TNPO1: variants seen among roughly 807,000 people sequenced by gnomAD.
TNPO1 encodes the protein transportin 1.
TNPO1 carries 8 observed loss-of-function variants against 119.5 expected under a neutral mutation model. That is an observed-to-expected ratio of 0.07 (90% confidence interval 0.04 to 0.12). The LOEUF (loss-of-function observed/expected upper bound fraction) is 0.12. Ranked by LOEUF, TNPO1 falls within the 10% of genes least tolerant of loss-of-function variation. The pLI is 1.00. For synonymous variants in TNPO1, 362 were observed against 363.0 expected, an observed-to-expected ratio of 1.00 and a Z score of 0.03; for missense variants, 576 against 1,089.8, an observed-to-expected ratio of 0.53 and a Z score of 6.64.
chr5:72,861,785 A>C (rs372741080), intron 4 of TNPO1, 23 bp from the exon 5 acceptor site: 35 of 1,539,952 alleles, frequency 2.3e-5, no homozygotes, highest in Non-Finnish European at 2.9e-5. Context: ...TGGATTTCCT[A>C]AAGAAGTGTG....
At chr5:72,862,065 G>T in intron 5 of TNPO1, 151 bp downstream of exon 5, 1 of 568,030 alleles carries the variant, frequency 1.8e-6, no homozygotes, top group Non-Finnish European at 3.1e-6. Flanking sequence ...TATTACATTT[G>T]TAAATCATTT....
chr5:72,912,806 G>T lies in TNPO1; in HGVS notation c.*4133G>T, dbSNP rs992683342. On this transcript the variant is annotated 3_prime_UTR_variant, in exon 25 of 25. Coordinates refer to ENST00000337273, the MANE Select transcript of TNPO1 (RefSeq NM_002270.4). ...AGTCCTTTGCCATGAGGAAAAAGTG[G>T]TTTTTTGCTTCATATGGTAAATCTA... is the stretch of plus-strand genomic sequence containing the variant. The T allele has an allele frequency of 1.3e-5, 2 of 152,414 alleles. No homozygotes were observed. The highest frequency in any genetic ancestry group is 1.3e-4 in the Admixed American group (2 of 15,256). The allele number at this position is 152,414 out of a possible 1,614,324, so 9.4% of individuals were successfully genotyped here. A position where few individuals can be genotyped will look rare whatever the true frequency, so the allele number is the denominator to read the frequency against.
chr5:72,872,813 C>T (rs1747504268), intron 7 of TNPO1, 93 bp downstream of exon 7: 1 of 633,868 alleles, frequency 1.6e-6, no homozygotes, highest in South Asian at 2.8e-5. Context: ...TGCTTTAAAA[C>T]AAGAATCATT....
intron 1 of TNPO1, among the ~76,000 whole-genome samples, chr5:72,843,769 C>G (rs1208952741): frequency 1.3e-5 from 2 of 152,108 alleles, no homozygotes; most frequent in African/African-American, 4.8e-5. Context: ...AAACATCTAA[C>G]TTTGAATTTA....
chr5:72,841,144 G>A (rs1371641308), intron 1 of TNPO1, among the ~76,000 whole-genome samples: 1 of 138,670 alleles, frequency 7.2e-6, no homozygotes, highest in Non-Finnish European at 1.5e-5. Flanking sequence ...TTTGGAGACC[G>A]AATTTCCCTC....
intron 9 of TNPO1, among the ~76,000 whole-genome samples, chr5:72,881,936 A>C (rs530119160): frequency 3.6e-4 from 55 of 152,230 alleles, no homozygotes; most frequent in East Asian, 1.4e-3. Flanking sequence ...AAAAAACTCA[A>C]ACTTTTTTTG....
At chr5:72,822,590 CTTTTT>C (rs766069525) in intron 1 of TNPO1, among the ~76,000 whole-genome samples, 1 of 132,926 alleles carries the variant, frequency 7.5e-6, no homozygotes, top group African/African-American at 2.7e-5. Flanking sequence ...AAGTTCTACA[CTTTTT>C]TTTTTTTTTT....
chr5:72,893,916 G>C (rs2112464603), intron 18 of TNPO1, among the ~76,000 whole-genome samples: 1 of 152,254 alleles, frequency 6.6e-6, no homozygotes, highest in East Asian at 1.9e-4. Context: ...AGCTTTTTAG[G>C]TACTCCTGTG....
intron 1 of TNPO1, among the ~76,000 whole-genome samples, chr5:72,829,791 A>G (rs574228349): frequency 2.0e-4 from 30 of 152,304 alleles, no homozygotes; most frequent in African/African-American, 6.3e-4. Context: ...CAGATTCCTG[A>G]TGCCCCTTCT....
At chr5:72,843,819 G>A (rs1265725642) in intron 1 of TNPO1, among the ~76,000 whole-genome samples, 1 of 152,070 alleles carries the variant, frequency 6.6e-6, no homozygotes, top group Non-Finnish European at 1.5e-5. Flanking sequence ...GAACCAGATG[G>A]GGGGAAAATG....
At chr5:72,827,434 A>C (rs983808650) in intron 1 of TNPO1, among the ~76,000 whole-genome samples, 1 of 152,202 alleles carries the variant, frequency 6.6e-6, no homozygotes, top group Non-Finnish European at 1.5e-5. Flanking sequence ...ATAAGGGAAC[A>C]AAAGAGGAGG....
intron 3 of TNPO1, among the ~76,000 whole-genome samples, chr5:72,852,295 C>T (rs1485171908): frequency 6.6e-6 from 1 of 152,106 alleles, no homozygotes; most frequent in East Asian, 1.9e-4. Flanking sequence ...TGTAACGCAT[C>T]CCACTAGACA....
intron 2 of TNPO1, among the ~76,000 whole-genome samples, chr5:72,848,874 C>T (rs1008119741): frequency 6.6e-6 from 1 of 151,230 alleles, no homozygotes; most frequent in African/African-American, 2.4e-5. Context: ...GGGAGCGGCC[C>T]GGGCCCACAC....
intron 6 of TNPO1, among the ~76,000 whole-genome samples, chr5:72,866,785 A>G (rs1424870024): frequency 1.3e-5 from 2 of 152,126 alleles, no homozygotes; most frequent in Non-Finnish European, 2.9e-5. Context: ...TTCAAAAATC[A>G]TATTTCTGGT....
chr5:72,863,384 AT>A (rs1190122329), intron 5 of TNPO1, among the ~76,000 whole-genome samples: 1 of 152,132 alleles, frequency 6.6e-6, no homozygotes, highest in African/African-American at 2.4e-5. Flanking sequence ...AGGTGGGTGG[AT>A]TGCATGAGTT....
At chr5:72,853,857 C>T (rs1200711815) in intron 3 of TNPO1, among the ~76,000 whole-genome samples, 5 of 152,164 alleles carry the variant, frequency 3.3e-5, no homozygotes, top group Admixed American at 3.3e-4. Context: ...AGATCAGCTG[C>T]TCTAATTATC....
At chr5:72,847,511 T>TA (rs544592754) in intron 1 of TNPO1, among the ~76,000 whole-genome samples, 2 of 152,242 alleles carry the variant, frequency 1.3e-5, no homozygotes, top group Non-Finnish European at 2.9e-5. Context: ...AATACCTCAC[T>TA]AGGTTGTAAT....
At chr5:72,903,630 A>C in intron 22 of TNPO1, 79 bp from the exon 23 acceptor site, 5 of 883,338 alleles carry the variant, frequency 5.7e-6, no homozygotes, top group Non-Finnish European at 8.9e-6. Flanking sequence ...TGTGACATAA[A>C]CTCTGAGGTT....
At chr5:72,897,021 CTTTTT>C (rs140020242) in intron 19 of TNPO1, 30 bp from the exon 20 acceptor site, 46 of 1,434,298 alleles carry the variant, frequency 3.2e-5, no homozygotes, top group Non-Finnish European at 4.2e-5. Context: ...TCAATTTTTT[CTTTTT>C]TGTTTTTTTC....
Sources: allele counts gnomAD v4.1 joint callset (sites outside exome capture counted in the v4.1 genomes callset), GRCh38; gene constraint gnomAD v4.1.1; transcripts MANE v1.5; gene names NCBI Gene and HGNC (gene_info 2026-07-23, HGNC 2026-07-21).